The following MET variants were observed in gnomAD, a reference collection of about 807,000 sequenced individuals.
MET encodes hepatocyte growth factor receptor.
In MET, 48 loss-of-function variants were observed where a neutral mutation model predicts 133.1. That is an observed-to-expected ratio of 0.36 (90% confidence interval 0.29 to 0.46). MET has a LOEUF of 0.46. Among genes scored for constraint, MET ranks in the 20% least tolerant of loss-of-function variants. The pLI, the probability that MET is intolerant of heterozygous loss-of-function variation, is 1.00. For synonymous variants in MET, 628 were observed against 616.5 expected (o/e 1.02, Z -0.28); for missense variants, 1,442 against 1,695.9 (o/e 0.85, Z 2.63).
rs1000883062 is a variant in MET, at chr7:116,750,236, A to G, written c.1702-5119A>G. Among the ~76,000 whole-genome samples the G allele has an allele frequency of 6.4e-4, 98 of 152,232 alleles. 2 individuals are homozygous for G. The highest frequency in any genetic ancestry group is 2.3e-3 in the African/African-American group (97 of 41,530). Reference sequence around the variant, plus strand: ...ATGGTACTGGTACCAAAACAGAGATATAGACCAATGGAACAGAACAGAGGC... The same window carrying G: ...ATGGTACTGGTACCAAAACAGAGATGTAGACCAATGGAACAGAACAGAGGC... On this transcript the variant is annotated intron_variant, in intron 5 of 20. Transcript: ENST00000397752.
chr7:116,693,019 A>C (rs1427749123), intron 1 of MET, among the ~76,000 whole-genome samples: 1 of 152,226 alleles, frequency 6.6e-6, no homozygotes, highest in Non-Finnish European at 1.5e-5. Context: ...TAAATATATC[A>C]GGACAAAAAT....
intron 14 of MET, among the ~76,000 whole-genome samples, chr7:116,773,459 G>T (rs368388054): frequency 6.6e-6 from 1 of 152,164 alleles, no homozygotes; most frequent in African/African-American, 2.4e-5. Flanking sequence ...TCTCACCAAG[G>T]ATTTCCCTCA....
intron 2 of MET, among the ~76,000 whole-genome samples, chr7:116,718,717 C>G (rs1329008493): frequency 2.0e-5 from 3 of 147,576 alleles, no homozygotes; most frequent in Non-Finnish European, 4.5e-5. Context: ...TGTTCAATTC[C>G]CACCTATGAG....
intron 1 of MET, among the ~76,000 whole-genome samples, chr7:116,678,713 T>G (rs979809621): frequency 1.1e-4 from 3 of 27,692 alleles, no homozygotes; most frequent in Non-Finnish European, 1.8e-4. Flanking sequence ...TGGCTTTGCT[T>G]GGGACCAGCA....
At chr7:116,705,106 A>G (rs1211843066) in intron 2 of MET, among the ~76,000 whole-genome samples, 2 of 152,106 alleles carry the variant, frequency 1.3e-5, no homozygotes, top group Admixed American at 1.3e-4. Flanking sequence ...GATGCAAACA[A>G]GGAATAATAG....
chr7:116,722,463 A>C (rs1792532835), intron 2 of MET, among the ~76,000 whole-genome samples: 1 of 150,998 alleles, frequency 6.6e-6, no homozygotes, highest in African/African-American at 2.4e-5. Flanking sequence ...TTTTAATTGG[A>C]GCATTTAGTC....
rs1265813578 is a variant in MET at position 116,746,772 on chromosome 7, G to A, written c.1701+5747G>A. Among the ~76,000 whole-genome samples, 5 of 149,646 alleles carry A rather than the reference G, an allele frequency of 3.3e-5. No homozygotes were observed. In the Admixed American group the frequency reaches 3.3e-4, roughly 10 times the overall value. On this transcript the variant is annotated intron_variant, in intron 5 of 20. Coordinates refer to ENST00000397752, the MANE Select transcript of MET (RefSeq NM_000245.4). ...AGGAAGGGGAATATCACACACCGGGGCCTGTTGTGGGGTCGGGGGAGGGGG... is the reference window on the plus strand; with the variant it reads ...AGGAAGGGGAATATCACACACCGGGACCTGTTGTGGGGTCGGGGGAGGGGG...
intron 1 of MET, among the ~76,000 whole-genome samples, chr7:116,677,212 G>A (rs185316200): frequency 1.3e-5 from 2 of 152,268 alleles, no homozygotes; most frequent in African/African-American, 4.8e-5. Flanking sequence ...GCAAGAGGCA[G>A]TTGCTGATGG....
intron 5 of MET, among the ~76,000 whole-genome samples, chr7:116,750,023 T>G (rs750584357): frequency 4.6e-5 from 7 of 152,222 alleles, no homozygotes; most frequent in Admixed American, 2.0e-4. Flanking sequence ...AATTTATACA[T>G]TCAATGCTAT....
Position 116,739,944 on chromosome 7 carries a change from G to A in MET, c.1393-6G>A, listed in dbSNP as rs202194405. Reference sequence around the variant, plus strand: ...ATAAGGATGTTATAACTTTTTTGCTGTTTAGGTTGTGGTTTCTCGATCAGG... The same window carrying A: ...ATAAGGATGTTATAACTTTTTTGCTATTTAGGTTGTGGTTTCTCGATCAGG... On this transcript the variant is annotated splice_polypyrimidine_tract_variant and splice_region_variant and intron_variant, in intron 3 of 20. Transcript: ENST00000397752. 1.7e-5 allele frequency: 28 copies of A among 1,613,840 alleles called. No homozygotes were observed. The highest frequency in any genetic ancestry group is 1.0e-4 in the Admixed American group (6 of 59,994).
intron 1 of MET, among the ~76,000 whole-genome samples, chr7:116,676,095 G>T (rs1426132123): frequency 6.6e-6 from 1 of 152,120 alleles, no homozygotes; most frequent in African/African-American, 2.4e-5. Context: ...TGTAGCAGGA[G>T]GTATGAGCTC....
At chr7:116,686,822 C>A (rs1286032387) in intron 1 of MET, among the ~76,000 whole-genome samples, 1 of 152,204 alleles carries the variant, frequency 6.6e-6, no homozygotes, top group Non-Finnish European at 1.5e-5. Flanking sequence ...AACCCTGCAT[C>A]TTCTCCCCAG....
In MET at chr7:116,796,149, G is replaced by C. The variant is rs2117114647; in HGVS notation, c.*25G>C. 6.2e-7 allele frequency: 1 copy of C among 1,600,600 alleles called. No homozygotes were observed. Among genetic ancestry groups the C allele is most frequent in the African/African-American group, 1.3e-5 (1 of 74,862 alleles). Reference sequence around the variant, plus strand: ...GTGCTAGTACTATGTCAAAGCAACAGTCCACACTTTGTCCAATGGTTTTTT... The same window carrying C: ...GTGCTAGTACTATGTCAAAGCAACACTCCACACTTTGTCCAATGGTTTTTT... On this transcript the variant is annotated 3_prime_UTR_variant, in exon 21 of 21. Coordinates refer to ENST00000397752, the MANE Select transcript of MET (RefSeq NM_000245.4).
intron 8 of MET, 146 bp downstream of exon 8, chr7:116,757,920 C>A: frequency 1.1e-6 from 1 of 881,004 alleles, no homozygotes; most frequent in South Asian, 1.6e-5. Flanking sequence ...AAACTTCCTC[C>A]TTCCAAAATT....
intron 1 of MET, among the ~76,000 whole-genome samples, chr7:116,698,623 G>A (rs879657325): frequency 1.3e-5 from 2 of 152,218 alleles, no homozygotes; most frequent in African/African-American, 4.8e-5. Flanking sequence ...TGCCTGCTGT[G>A]ATTTCTAGAA....
chr7:116,736,023 C>A (rs1247050595), intron 3 of MET, among the ~76,000 whole-genome samples: 1 of 152,020 alleles, frequency 6.6e-6, no homozygotes, highest in Non-Finnish European at 1.5e-5. Flanking sequence ...AGTGATCTGC[C>A]CGCCTTGGCC....
At chr7:116,673,509 T>G (rs151335286) in intron 1 of MET, among the ~76,000 whole-genome samples, 2 of 152,366 alleles carry the variant, frequency 1.3e-5, no homozygotes, top group Non-Finnish European at 2.9e-5. Context: ...CAATATAGAC[T>G]ATCTGGACCC....
chr7:116,750,836 G>A (rs1055362374), intron 5 of MET, among the ~76,000 whole-genome samples: 6 of 152,114 alleles, frequency 3.9e-5, no homozygotes, highest in African/African-American at 1.4e-4. Flanking sequence ...ATCATCACTG[G>A]TTATTAGAGA....
intron 1 of MET, among the ~76,000 whole-genome samples, chr7:116,696,958 A>T (rs1043926428): frequency 1.3e-5 from 2 of 152,186 alleles, no homozygotes; most frequent in African/African-American, 4.8e-5. Flanking sequence ...TTTGGCACTA[A>T]TGCTCTGTCT....
Sources: allele counts gnomAD v4.1 joint callset (sites outside exome capture counted in the v4.1 genomes callset), GRCh38; gene constraint gnomAD v4.1.1; transcripts MANE v1.5; gene names NCBI Gene and HGNC (gene_info 2026-07-23, HGNC 2026-07-21).